FH: variants seen among roughly 807,000 people sequenced by gnomAD.
FH encodes the protein fumarate hydratase, mitochondrial.
Under a neutral mutation model 49.4 loss-of-function variants are expected in FH, and 22 were observed. The observed-to-expected ratio is 0.45, with a 90% CI of 0.32 to 0.64. The LOEUF is 0.64. FH is among the 30% of genes least tolerant of loss of function. FH has a pLI of 0.05. For synonymous variants in FH, 208 were observed against 223.0 expected, an observed-to-expected ratio of 0.93 and a Z score of 0.60; for missense variants, 526 against 641.5, an observed-to-expected ratio of 0.82 and a Z score of 1.95.
chr1:241,512,194 G>A, intron 3 of FH, 51 bp from the exon 4 acceptor site: 1 of 1,514,140 alleles, frequency 6.6e-7, no homozygotes, highest in Non-Finnish European at 9.1e-7. Context: ...TAATAATGCT[G>A]ATTATGCCAC....
intron 3 of FH, 61 bp from the exon 4 acceptor site, chr1:241,512,204 C>A: frequency 6.8e-7 from 1 of 1,477,172 alleles, no homozygotes; most frequent in Non-Finnish European, 9.4e-7. Flanking sequence ...GATTATGCCA[C>A]AGAGTTTGAA....
chr1:241,511,121 A>G (rs1660072332), intron 4 of FH, among the ~76,000 whole-genome samples: 1 of 152,222 alleles, frequency 6.6e-6, no homozygotes, highest in East Asian at 1.9e-4. Context: ...CCCTAGGGTA[A>G]TAGTATTAGG....
chr1:241,502,999 GGGA>G (rs1417073068), intron 7 of FH, among the ~76,000 whole-genome samples: 12 of 152,118 alleles, frequency 7.9e-5, no homozygotes, highest in African/African-American at 2.9e-4. Context: ...ACTAACACAT[GGGA>G]GGCTTCCTAG....
At position 241,497,776 on chromosome 1, in the gene FH, T is replaced by G; in HGVS notation, c.*52A>C. 6.8e-7 allele frequency: 1 copy of G among 1,478,950 alleles called. No homozygotes were observed. Among genetic ancestry groups the G allele is most frequent in the Non-Finnish European group, 9.2e-7 (1 of 1,087,164 alleles). 91.6% of individuals were successfully genotyped at this position (1,478,950 alleles called of 1,614,324 possible). On this transcript the variant is annotated 3_prime_UTR_variant, in exon 10 of 10. Coordinates refer to ENST00000366560, the MANE Select transcript of FH (RefSeq NM_000143.4). ...CTTATCCGTTTTTAAGAAATGGGAG[T>G]CTGTTTTTTTAAATTTTATACATGT...
chr1:241,519,534 A>T (rs2147926740), intron 1 of FH, 57 bp downstream of exon 1: 2 of 1,518,080 alleles, frequency 1.3e-6, no homozygotes, highest in South Asian at 1.2e-5. Context: ...CCAGGCCGGC[A>T]GGCAGGAGGG....
chr1:241,519,451 G>C (rs1029646386), intron 1 of FH, 140 bp downstream of exon 1: 1 of 1,067,910 alleles, frequency 9.4e-7, no homozygotes, highest in Non-Finnish European at 1.3e-6. Flanking sequence ...CCGCCACGCC[G>C]GCACGGGCGC....
rs1660239543 is a variant in FH, at chr1:241,517,172, T to C, written c.267+10A>G. 1 of 1,614,046 alleles carries C rather than the reference T, an allele frequency of 6.2e-7. No homozygotes were observed. The highest frequency in any genetic ancestry group is 1.3e-5 in the African/African-American group (1 of 74,932). ...CCAAAATAGCCAACATTTCCACAAA[T>C]GCCACTTACTGGCATGCGTTCTGTC... On this transcript the variant is annotated intron_variant, in intron 2 of 9. Coordinates refer to ENST00000366560, the MANE Select transcript of FH (RefSeq NM_000143.4).
At chr1:241,514,550 TG>T (rs1297758608) in intron 2 of FH, among the ~76,000 whole-genome samples, 2 of 151,934 alleles carry the variant, frequency 1.3e-5, no homozygotes, top group African/African-American at 2.4e-5. Flanking sequence ...CAGGTTTGAA[TG>T]GGGAAAGAGT....
intron 8 of FH, among the ~76,000 whole-genome samples, chr1:241,501,107 G>A (rs953673590): frequency 6.6e-6 from 1 of 152,118 alleles, no homozygotes; most frequent in African/African-American, 2.4e-5. Context: ...ATGCTTTAAC[G>A]AATACTCCAG....
chr1:241,505,551 T>C (rs571758677), intron 6 of FH, among the ~76,000 whole-genome samples: 8 of 152,280 alleles, frequency 5.3e-5, no homozygotes, highest in Non-Finnish European at 1.0e-4. Flanking sequence ...ATCTAAAGTA[T>C]AATACTCTCT....
intron 2 of FH, among the ~76,000 whole-genome samples, chr1:241,516,077 T>A (rs1660203261): frequency 1.3e-5 from 2 of 152,178 alleles, no homozygotes; most frequent in Admixed American, 1.3e-4. Context: ...AGTGTAATTT[T>A]AAAAAATCTC....
In FH at chr1:241,497,900, G is replaced by A. The variant is rs377091029; in HGVS notation, c.1461C>T (p.Ile487=). ...KNGSTLKETA[I]ELGYLTAEQF... is the part of the protein sequence containing the mutation. ...GCTCTGCTGTGAGATAGCCAAGTTC[G>A]ATAGCAGTTTCCTTTAAGGTTGATC... The change falls in exon 10 of 10, where the codon ATC becomes ATT. Residue 487 remains isoleucine (I), a synonymous_variant. Coordinates refer to ENST00000366560, the MANE Select transcript of FH (RefSeq NM_000143.4). 3.0e-5 allele frequency: 49 copies of A among 1,613,478 alleles called. No individual in the cohort carries two copies. Among genetic ancestry groups the A allele is most frequent in the East Asian group, 6.7e-5 (3 of 44,866 alleles).
intron 5 of FH, among the ~76,000 whole-genome samples, chr1:241,506,449 TAC>T (rs1018486108): frequency 2.0e-5 from 3 of 152,120 alleles, no homozygotes; most frequent in Non-Finnish European, 4.4e-5. Context: ...GCACAGGAAA[TAC>T]ACTTTAAAAA....
At chr1:241,500,892 A>T (rs1376099706) in intron 8 of FH, among the ~76,000 whole-genome samples, 2 of 152,214 alleles carry the variant, frequency 1.3e-5, no homozygotes, top group Admixed American at 6.5e-5. Flanking sequence ...AGTGTTAGAG[A>T]CCATAGAGAA....
At chr1:241,511,917 G>C (rs1660093181) in intron 4 of FH, 50 bp downstream of exon 4, 1 of 1,550,124 alleles carries the variant, frequency 6.5e-7, no homozygotes, top group Non-Finnish European at 8.9e-7. Context: ...AACAATCTCA[G>C]GTATGCTTTT....
At chr1:241,514,521 T>G (rs1660168248) in intron 2 of FH, among the ~76,000 whole-genome samples, 2 of 152,036 alleles carry the variant, frequency 1.3e-5, no homozygotes, top group Admixed American at 1.3e-4. Flanking sequence ...TAATACAGAT[T>G]GTTGTATAGA....
chr1:241,512,412 G>A (rs748758694), intron 3 of FH, among the ~76,000 whole-genome samples: 2 of 152,174 alleles, frequency 1.3e-5, no homozygotes, highest in Non-Finnish European at 2.9e-5. Context: ...TGGCAAATAC[G>A]TTTAGTCTCT....
intron 6 of FH, among the ~76,000 whole-genome samples, chr1:241,504,515 C>T (rs1204141034): frequency 6.6e-6 from 1 of 152,082 alleles, no homozygotes; most frequent in African/African-American, 2.4e-5. Context: ...AATCACAGCT[C>T]ACTGTAGCCT....
chr1:241,512,863 T>C (rs957362007), intron 3 of FH, among the ~76,000 whole-genome samples: 1 of 152,152 alleles, frequency 6.6e-6, no homozygotes, highest in Non-Finnish European at 1.5e-5. Flanking sequence ...TCAGTAATTA[T>C]GACTATTAGC....
Sources: allele counts gnomAD v4.1 joint callset (sites outside exome capture counted in the v4.1 genomes callset), GRCh38; gene constraint gnomAD v4.1.1; transcripts MANE v1.5; gene names NCBI Gene and HGNC (gene_info 2026-07-23, HGNC 2026-07-21).